Variants in ST6GAL1 observed in about 807,000 individuals in gnomAD.
The protein encoded by ST6GAL1 is beta-galactoside alpha-2,6-sialyltransferase 1.
Under a neutral mutation model 38.0 loss-of-function variants are expected in ST6GAL1, and 20 were observed. The ratio of observed to expected loss-of-function variants is 0.53; its 90% CI spans 0.37 to 0.77. ST6GAL1 has a LOEUF of 0.77. Ranked by LOEUF, ST6GAL1 falls within the 30% of genes least tolerant of loss-of-function variation. The pLI is 0.00. For missense variants in ST6GAL1, 432 were observed against 496.4 expected, an observed-to-expected ratio of 0.87 and a Z score of 1.23; for synonymous variants, 196 against 188.2, an observed-to-expected ratio of 1.04 and a Z score of -0.34.
intron 2 of ST6GAL1, among the ~76,000 whole-genome samples, chr3:187,023,022 AC>A (rs1717385312): frequency 6.6e-6 from 1 of 152,178 alleles, no homozygotes; most frequent in East Asian, 1.9e-4. Context: ...TTGTACCTAA[AC>A]CCCAAAAGGG....
chr3:186,996,292 C>T (rs943074760), intron 2 of ST6GAL1, among the ~76,000 whole-genome samples: 1 of 152,112 alleles, frequency 6.6e-6, no homozygotes, highest in Admixed American at 6.5e-5. Flanking sequence ...TGCAGCTTAG[C>T]TTAACTAGAA....
rs1467982955 is a variant in ST6GAL1, at chr3:187,075,051, T to C, written c.980-511T>C. Among the ~76,000 whole-genome samples the C allele has an allele frequency of 6.6e-6, 1 of 152,126 alleles. No individual in the cohort carries two copies. The highest frequency in any genetic ancestry group is 1.9e-4 in the East Asian group (1 of 5,180). On this transcript the variant is annotated intron_variant, in intron 7 of 7. Coordinates refer to ENST00000169298, the MANE Select transcript of ST6GAL1 (RefSeq NM_173216.2). This position sits in a 1 kb window ranked among gnomAD's most constrained non-coding sequence, Gnocchi z 4.1. ...AGTGCTCCTGTTCCAGCTGTCCCTT[T>C]GCCCAGCTAAGGGAAGAAAAGTCTT...
intron 2 of ST6GAL1, among the ~76,000 whole-genome samples, chr3:186,966,628 A>G (rs1458255825): frequency 6.6e-6 from 1 of 152,200 alleles, no homozygotes; most frequent in African/African-American, 2.4e-5. Context: ...GCTTTGCAAA[A>G]TGCTACACTG....
intron 2 of ST6GAL1, among the ~76,000 whole-genome samples, chr3:186,974,800 A>G (rs1304995007): frequency 6.6e-6 from 1 of 151,996 alleles, no homozygotes. Context: ...GGGCTGCTTC[A>G]CTGTGGCTGA....
At chr3:186,965,468 G>A (rs1715074247) in intron 2 of ST6GAL1, among the ~76,000 whole-genome samples, 1 of 152,168 alleles carries the variant, frequency 6.6e-6, no homozygotes, top group Admixed American at 6.5e-5. Context: ...TGTCCCAAAG[G>A]AGGGATAGGG....
At chr3:187,063,468 G>C (rs1718989681) in intron 5 of ST6GAL1, among the ~76,000 whole-genome samples, 2 of 152,232 alleles carry the variant, frequency 1.3e-5, no homozygotes, top group African/African-American at 2.4e-5. Flanking sequence ...CTGATGAATG[G>C]AGTAGGATTT....
At chr3:186,931,803 A>C (rs537257973) in intron 1 of ST6GAL1, among the ~76,000 whole-genome samples, 313 of 152,360 alleles carry the variant, frequency 2.1e-3, no homozygotes, top group African/African-American at 7.3e-3. Context: ...TTTCGCAAGC[A>C]AGGCCAGCCG....
chr3:187,054,142 T>C (rs974699596), intron 5 of ST6GAL1, among the ~76,000 whole-genome samples: 1 of 152,242 alleles, frequency 6.6e-6, no homozygotes, highest in Non-Finnish European at 1.5e-5. Context: ...TGTTTGCACA[T>C]TGATTTTGTA....
At chr3:187,057,029 C>G (rs531629104) in intron 5 of ST6GAL1, among the ~76,000 whole-genome samples, 1 of 152,132 alleles carries the variant, frequency 6.6e-6, no homozygotes, top group Non-Finnish European at 1.5e-5. Context: ...CTAAACTTCT[C>G]TTTTTGTTTT....
chr3:187,036,633 C>G (rs1223388731), intron 2 of ST6GAL1, among the ~76,000 whole-genome samples: 1 of 152,150 alleles, frequency 6.6e-6, no homozygotes, highest in Admixed American at 6.5e-5. Context: ...TTATCCTAAG[C>G]AAATTAATAA....
chr3:187,020,949 TA>T (rs1454780100), intron 2 of ST6GAL1, among the ~76,000 whole-genome samples: 3 of 149,738 alleles, frequency 2.0e-5, no homozygotes, highest in Non-Finnish European at 4.4e-5. Context: ...TGTTAGGATA[TA>T]TGTATTGGTG....
At position 187,067,081 on chromosome 3, in the gene ST6GAL1, C is replaced by CTTTTTTTTTTTTTTT. The variant is rs763013682; in HGVS notation, c.706-5756_706-5742dup. Among the ~76,000 whole-genome samples the CTTTTTTTTTTTTTTT allele has an allele frequency of 8.6e-5, 8 of 93,062 alleles. 1 individual carries two copies. Among genetic ancestry groups the CTTTTTTTTTTTTTTT allele is most frequent in the African/African-American group, 2.3e-4 (5 of 22,100 alleles). 61.1% of individuals were successfully genotyped at this position (93,062 alleles called of 152,430 possible). On this transcript the variant is annotated intron_variant, in intron 5 of 7. Coordinates refer to ENST00000169298, the MANE Select transcript of ST6GAL1 (RefSeq NM_173216.2). ...GCAATCTTCTTTTCTTTCTTTCTTT[C>CTTTTTTTTTTTTTTT]TTTTTTTTTTTTTTTTTTTTTTTTT... is the stretch of plus-strand genomic sequence containing the variant.
intron 1 of ST6GAL1, among the ~76,000 whole-genome samples, chr3:186,936,957 AAAAAAG>A (rs1560134083): frequency 1.4e-5 from 2 of 143,072 alleles, no homozygotes; most frequent in Non-Finnish European, 3.0e-5. Flanking sequence ...AAAAAAAAAA[AAAAAAG>A]AAAAAGCTTG....
chr3:187,062,364 G>GAAGAGAT (rs1425602680), intron 5 of ST6GAL1, among the ~76,000 whole-genome samples: 3 of 152,104 alleles, frequency 2.0e-5, no homozygotes, highest in Admixed American at 6.6e-5. Flanking sequence ...GAAGGGTCTT[G>GAAGAGAT]AAGAGATATT....
chr3:187,055,865 A>C (rs963059879), intron 5 of ST6GAL1, among the ~76,000 whole-genome samples: 2 of 151,908 alleles, frequency 1.3e-5, no homozygotes, highest in African/African-American at 4.8e-5. Flanking sequence ...TATCCTTGTT[A>C]AGTTTCTGTC....
chr3:187,066,120 A>G (rs1343023112), intron 5 of ST6GAL1, among the ~76,000 whole-genome samples: 2 of 152,206 alleles, frequency 1.3e-5, no homozygotes, highest in Non-Finnish European at 2.9e-5. Context: ...CAACGGGTCT[A>G]AAACCAGCGA....
intron 2 of ST6GAL1, among the ~76,000 whole-genome samples, chr3:187,032,366 G>A (rs182519008): frequency 6.6e-6 from 1 of 152,144 alleles, no homozygotes; most frequent in Non-Finnish European, 1.5e-5. Context: ...CAGGCAAGAG[G>A]TATCATCCAA....
At chr3:187,041,587 G>A (rs759333004) in intron 3 of ST6GAL1, among the ~76,000 whole-genome samples, 55 of 152,312 alleles carry the variant, frequency 3.6e-4, no homozygotes, top group Middle Eastern at 3.4e-3. Flanking sequence ...ATTTTCCAGA[G>A]CTTCTTGCAG....
chr3:187,074,922 A>G (rs1719510841), intron 7 of ST6GAL1, among the ~76,000 whole-genome samples: 1 of 152,234 alleles, frequency 6.6e-6, no homozygotes, highest in Non-Finnish European at 1.5e-5. Context: ...AAGTATTTAA[A>G]TAAAGATAGG....
Sources: allele counts gnomAD v4.1 joint callset (sites outside exome capture counted in the v4.1 genomes callset), GRCh38; gene constraint gnomAD v4.1.1; non-coding constraint Gnocchi (gnomAD v3.1); transcripts MANE v1.5; gene names NCBI Gene and HGNC (gene_info 2026-07-23, HGNC 2026-07-21).